OR52E5: variants seen among roughly 807,000 people sequenced by gnomAD.
OR52E5 encodes the protein olfactory receptor 52E5.
In OR52E5 at chr11:5,901,433, G is replaced by A. The variant is rs2134298086; in HGVS notation, c.657G>A (p.Gln219=). The change falls in exon 3 of 3, where the codon CAG becomes CAA. Residue 219 remains glutamine, a synonymous_variant. Coordinates refer to ENST00000610445, the MANE Select transcript of OR52E5 (RefSeq NM_001005166.5). ...DISVIGFSYV[Q]ILRAVFHLPA... ...CTGTGATTGGATTTTCCTATGTCCA[G>A]ATCCTCCGAGCTGTCTTCCATCTCC... 2.5e-6 allele frequency: 1 copy of A among 401,598 alleles called. No homozygotes were observed. The highest frequency in any genetic ancestry group is 4.4e-6 in the Non-Finnish European group (1 of 226,358). 24.9% of individuals were successfully genotyped at this position (401,598 alleles called of 1,614,324 possible). A position where few individuals can be genotyped will look rare whatever the true frequency, so the allele number is the denominator to read the frequency against.
intron 1 of OR52E5, among the ~76,000 whole-genome samples, chr11:5,895,052 T>A (rs1371593270): frequency 6.6e-6 from 1 of 152,220 alleles, no homozygotes; most frequent in East Asian, 1.9e-4. Context: ...GCTTTAGACT[T>A]TGAGTGTAGA....
intron 1 of OR52E5, among the ~76,000 whole-genome samples, chr11:5,893,740 C>T (rs952515078): frequency 6.6e-6 from 1 of 151,960 alleles, no homozygotes; most frequent in Non-Finnish European, 1.5e-5. Context: ...AAGGAACTGC[C>T]TCATCTGAGG....
At chr11:5,900,413 G>C (rs1847233591) in intron 2 of OR52E5, among the ~76,000 whole-genome samples, 1 of 151,100 alleles carries the variant, frequency 6.6e-6, no homozygotes, top group East Asian at 1.9e-4. Flanking sequence ...CTTCACCTTG[G>C]CTACTCTTTA....
intron 2 of OR52E5, among the ~76,000 whole-genome samples, chr11:5,896,191 A>G (rs1026119619): frequency 1.3e-5 from 2 of 148,430 alleles, no homozygotes; most frequent in Non-Finnish European, 3.0e-5. Context: ...TCACGAGGTC[A>G]GGAGATCAAG....
At chr11:5,895,442 TCTTC>T (rs1337589440) in intron 1 of OR52E5, among the ~76,000 whole-genome samples, 186 bp from the exon 2 acceptor site, 5 of 152,254 alleles carry the variant, frequency 3.3e-5, no homozygotes, top group Admixed American at 2.6e-4. Flanking sequence ...TATTCTTTAT[TCTTC>T]CTTATTTCAG....
chr11:5,894,848 AT>A (rs767950683), intron 1 of OR52E5, among the ~76,000 whole-genome samples: 7 of 152,106 alleles, frequency 4.6e-5, no homozygotes, highest in Non-Finnish European at 7.4e-5. Context: ...CAGATCTTCC[AT>A]TGTAGATTAA....
intron 2 of OR52E5, among the ~76,000 whole-genome samples, chr11:5,897,501 G>A (rs527917746): frequency 2.0e-5 from 3 of 152,120 alleles, no homozygotes; most frequent in South Asian, 2.1e-4. Flanking sequence ...TGGTGTATAC[G>A]TCCCACATTT....
At chr11:5,897,478 G>C (rs993712602) in intron 2 of OR52E5, among the ~76,000 whole-genome samples, 10 of 152,188 alleles carry the variant, frequency 6.6e-5, no homozygotes, top group Non-Finnish European at 1.3e-4. Context: ...TGTTATGGCT[G>C]TGTACTTTTC....
At chr11:5,896,504 T>A (rs1319807991) in intron 2 of OR52E5, among the ~76,000 whole-genome samples, 4 of 151,840 alleles carry the variant, frequency 2.6e-5, no homozygotes, top group Admixed American at 2.0e-4. Context: ...ACTGTAAGGA[T>A]GTTACATATT....
At chr11:5,893,876 A>G (rs1372327830) in intron 1 of OR52E5, among the ~76,000 whole-genome samples, 1 of 152,136 alleles carries the variant, frequency 6.6e-6, no homozygotes, top group East Asian at 1.9e-4. Context: ...CCATCTCCAG[A>G]GCTTCATATC....
chr11:5,901,399 T>C lies in OR52E5; in HGVS notation c.623T>C (p.Ile208Thr), dbSNP rs866337740. The C allele has an allele frequency of 1.5e-5, 6 of 401,576 alleles. No individual in the cohort carries two copies. The highest frequency in any genetic ancestry group is 2.2e-5 in the Non-Finnish European group (5 of 226,334). The allele number at this position is 401,576 out of a possible 1,614,324, so 24.9% of individuals were successfully genotyped here. A position where few individuals can be genotyped will look rare whatever the true frequency, so the allele number is the denominator to read the frequency against. The change falls in exon 3 of 3, where the codon ATT becomes ACT. Residue 208 changes from isoleucine to threonine, a missense_variant. By Grantham distance (89) the Ile-to-Thr change is moderately conservative. Coordinates refer to ENST00000610445, the MANE Select transcript of OR52E5 (RefSeq NM_001005166.5). ...TTGATTGCCTTCTCAGTGGGATACA[T>C]TGACATTTCTGTGATTGGATTTTCC... ...YGLIAFSVGY[I>T]DISVIGFSYV... is the part of the protein sequence containing the mutation.
intron 1 of OR52E5, 72 bp from the exon 2 acceptor site, chr11:5,895,560 T>C (rs567936323): frequency 2.0e-5 from 3 of 152,252 alleles, no homozygotes; most frequent in Non-Finnish European, 4.4e-5. Context: ...ATATAACCTC[T>C]ATTTTTTAAT....
chr11:5,893,666 T>A (rs1847134520), intron 1 of OR52E5, among the ~76,000 whole-genome samples: 1 of 152,128 alleles, frequency 6.6e-6, no homozygotes, highest in Non-Finnish European at 1.5e-5. Flanking sequence ...TATGACTAGT[T>A]GTTAGGAATC....
Position 5,901,639 on chromosome 11 carries a change from C to CT in OR52E5, c.864dup (p.Val289CysfsTer16). 1 of 401,306 alleles carries CT rather than the reference C, an allele frequency of 2.5e-6. No homozygotes were observed. 24.9% of individuals were successfully genotyped at this position (401,306 alleles called of 1,614,324 possible). On this transcript the variant is annotated frameshift_variant, in exon 3 of 3. Coordinates refer to ENST00000610445, the MANE Select transcript of OR52E5 (RefSeq NM_001005166.5). LOFTEE classifies it low-confidence loss of function (END_TRUNC). Reference sequence around the variant, plus strand: ...GTGGTTTTTCCCCCTGCTCTTAACTCTGTTATCTATGGGGTCAAAACAAAA... The same window carrying CT: ...GTGGTTTTTCCCCCTGCTCTTAACTCTTGTTATCTATGGGGTCAAAACAAAA...
At position 5,901,175 on chromosome 11, in the gene OR52E5, A is replaced by T; in HGVS notation, c.399A>T (p.Arg133Ser). ...DRYIAICNPL[R>S]YSMILTNKVI... is the part of the protein sequence containing the mutation. ...ATATTGCCATCTGCAACCCCCTGAGATATAGCATGATCCTTACCAACAAGG... is the reference window on the plus strand; with the variant it reads ...ATATTGCCATCTGCAACCCCCTGAGTTATAGCATGATCCTTACCAACAAGG... Residue 133 changes from arginine (R) to serine (S), a missense_variant, in exon 3 of 3, where the codon AGA becomes AGT. Arg to Ser is a moderately radical substitution (Grantham distance 110). Transcript: ENST00000610445. 1 of 401,390 alleles carries T rather than the reference A, an allele frequency of 2.5e-6. No homozygotes were observed. The highest frequency in any genetic ancestry group is 1.3e-4 in the South Asian group (1 of 7,940). The allele number at this position is 401,390 out of a possible 1,614,324, so 24.9% of individuals were successfully genotyped here.
At chr11:5,894,485 G>A (rs1048538962) in intron 1 of OR52E5, among the ~76,000 whole-genome samples, 1 of 152,160 alleles carries the variant, frequency 6.6e-6, no homozygotes, top group African/African-American at 2.4e-5. Flanking sequence ...GGCAGGCTAT[G>A]TAGATTGTAT....
At chr11:5,896,579 T>C (rs1190452224) in intron 2 of OR52E5, among the ~76,000 whole-genome samples, 2 of 152,072 alleles carry the variant, frequency 1.3e-5, no homozygotes, top group Non-Finnish European at 2.9e-5. Context: ...GTGAGTACAA[T>C]AAAAAGAGAG....
intron 1 of OR52E5, among the ~76,000 whole-genome samples, chr11:5,893,561 TA>T (rs796269131): frequency 6.7e-5 from 10 of 148,428 alleles, no homozygotes; most frequent in East Asian, 5.9e-4. Context: ...GTTTTAAAAT[TA>T]AAAAAAAAAG....
intron 2 of OR52E5, among the ~76,000 whole-genome samples, chr11:5,896,054 GAAGA>G (rs1461936732): frequency 6.6e-6 from 1 of 150,898 alleles, no homozygotes; most frequent in Non-Finnish European, 1.5e-5. Flanking sequence ...ATCTCAAAAA[GAAGA>G]AAGAAAAAGA....
Sources: allele counts gnomAD v4.1 joint callset (sites outside exome capture counted in the v4.1 genomes callset), GRCh38; gene constraint gnomAD v4.1.1; transcripts MANE v1.5; gene names NCBI Gene and HGNC (gene_info 2026-07-23, HGNC 2026-07-21).